ZNF624: variants seen among roughly 807,000 people sequenced by gnomAD.
ZNF624 encodes zinc finger protein 624.
In ZNF624, 43 loss-of-function variants were observed where a neutral mutation model predicts 74.7. That is an observed-to-expected ratio of 0.58 (90% CI 0.45 to 0.74). The LOEUF is 0.74. Ranked by LOEUF, ZNF624 falls within the 30% of genes least tolerant of loss-of-function variation. The pLI, the probability that ZNF624 is intolerant of heterozygous loss-of-function variation, is 0.00. For synonymous variants in ZNF624, 331 were observed against 341.3 expected (o/e 0.97, Z 0.33); for missense variants, 820 against 1,030.0 (o/e 0.80, Z 2.79).
intron 3 of ZNF624, among the ~76,000 whole-genome samples, chr17:16,637,122 T>C (rs62073664): frequency 0.051 from 7,791 of 152,162 alleles, 256 homozygotes; most frequent in Middle Eastern, 0.086. Context: ...ACATTCACAA[T>C]TGTTTCAAAG....
chr17:16,630,707 A>G (rs942514036), intron 5 of ZNF624, among the ~76,000 whole-genome samples: 20 of 152,244 alleles, frequency 1.3e-4, no homozygotes, highest in African/African-American at 3.6e-4. Flanking sequence ...AGTATCAGAC[A>G]AAACAGATTT....
At chr17:16,649,453 T>C (rs1419986067) in intron 2 of ZNF624, among the ~76,000 whole-genome samples, 2 of 152,206 alleles carry the variant, frequency 1.3e-5, no homozygotes, top group Non-Finnish European at 2.9e-5. Flanking sequence ...TTTTGAAAGA[T>C]CATGTGTCCT....
intron 5 of ZNF624, among the ~76,000 whole-genome samples, chr17:16,632,579 G>A (rs567215773): frequency 6.6e-5 from 10 of 152,112 alleles, no homozygotes; most frequent in South Asian, 6.2e-4. Flanking sequence ...ATAAAAATAC[G>A]TAATTCATGT....
At chr17:16,635,761 T>C (rs765954694) in intron 3 of ZNF624, among the ~76,000 whole-genome samples, 48 of 151,732 alleles carry the variant, frequency 3.2e-4, no homozygotes, top group Non-Finnish European at 6.3e-4. Context: ...TGATAACTAA[T>C]ATATTTGGCA....
intron 5 of ZNF624, among the ~76,000 whole-genome samples, chr17:16,633,419 G>T (rs1483045575): frequency 6.6e-6 from 1 of 152,128 alleles, no homozygotes; most frequent in African/African-American, 2.4e-5. Context: ...CTGTAGCCTT[G>T]CAGGTGAAGA....
At chr17:16,642,102 A>AT (rs1909480823) in intron 3 of ZNF624, among the ~76,000 whole-genome samples, 1 of 152,226 alleles carries the variant, frequency 6.6e-6, no homozygotes, top group Non-Finnish European at 1.5e-5. Context: ...CAGATTCAAC[A>AT]TAAGACTTAT....
chr17:16,623,934 A>C lies in ZNF624; in HGVS notation c.952T>G (p.Tyr318Asp). The change falls in exon 6 of 6, where the codon TAT becomes GAT. Residue 318 changes from tyrosine to aspartate, a missense_variant. Coordinates refer to ENST00000311331, the MANE Select transcript of ZNF624 (RefSeq NM_020787.4). This position sits in a 1 kb window ranked among gnomAD's most constrained non-coding sequence, Gnocchi z 5.3. Reference sequence around the variant, plus strand: ...TGGATTTTTTTGTGCTGACTGAGATATGAAGGCTGGCTGAATGTTTTCCCA... The same window carrying C: ...TGGATTTTTTTGTGCTGACTGAGATCTGAAGGCTGGCTGAATGTTTTCCCA... ...ECGKTFSQPS[Y>D]LSQHKKIHTG... 1 of 1,613,932 alleles carries C rather than the reference A, an allele frequency of 6.2e-7. No homozygotes were observed. Among genetic ancestry groups the C allele is most frequent in the Non-Finnish European group, 8.5e-7 (1 of 1,180,014 alleles).
At chr17:16,614,805 A>C in the ZNF624 span, among the ~76,000 whole-genome samples, 91 of 152,358 alleles carry the variant, frequency 6.0e-4, no homozygotes, top group Non-Finnish European at 1.1e-3. Context: ...AAATTTTGAC[A>C]AATTTAATTC....
chr17:16,624,193 G>A lies in ZNF624; in HGVS notation c.693C>T (p.Phe231=). Residue 231 remains phenylalanine (F), a synonymous_variant, in exon 6 of 6, where the codon TTC becomes TTT. Coordinates refer to ENST00000311331, the MANE Select transcript of ZNF624 (RefSeq NM_020787.4). ...HSRCQTQEEN[F]TENLNLITDT... is the part of the protein sequence containing the mutation. ...CTGTAATCAAATTTAAATTCTCTGT[G>A]AAATTTTCCTCTTGTGTTTGGCATC... The A allele has an allele frequency of 6.2e-7, 1 of 1,614,066 alleles. No homozygotes were observed. The highest frequency in any genetic ancestry group is 8.5e-7 in the Non-Finnish European group (1 of 1,180,024).
At chr17:16,643,879 A>G (rs1909525053) in intron 3 of ZNF624, among the ~76,000 whole-genome samples, 1 of 152,196 alleles carries the variant, frequency 6.6e-6, no homozygotes, top group Non-Finnish European at 1.5e-5. Context: ...GCCTTCCCCC[A>G]AAACCTCATG....
In ZNF624 at chr17:16,633,528, G is replaced by T. The variant is rs9903587; in HGVS notation, c.376+334C>A. Among the ~76,000 whole-genome samples the T allele has an allele frequency of 5.5e-3, 834 of 152,240 alleles. 8 individuals are homozygous for T. Among genetic ancestry groups the T allele is most frequent in the African/African-American group, 0.019 (775 of 41,538 alleles). On this transcript the variant is annotated intron_variant, in intron 5 of 5. Transcript: ENST00000311331. The stretch of plus-strand genomic sequence containing the variant: ...AATGAGGGAAGAAATGTCAGATAAT[G>T]AAACAAATGAGAAACATGAAGTTAA...
chr17:16,635,057 C>T (rs913147732), intron 3 of ZNF624, among the ~76,000 whole-genome samples: 2 of 152,162 alleles, frequency 1.3e-5, no homozygotes, highest in Non-Finnish European at 2.9e-5. Flanking sequence ...TCAAACAGCA[C>T]GGTTTCCTCC....
rs1338720223 is a variant in ZNF624 at position 16,653,843 on chromosome 17, G to C, written c.-82C>G. On this transcript the variant is annotated 5_prime_UTR_variant, in exon 1 of 6. Transcript: ENST00000311331. ...TTCCAGCAATGGCGGCGGCTCGGCG[G>C]TGCCGGCCTCCAGGCAGGGCATTGC... is the stretch of plus-strand genomic sequence containing the variant. The C allele has an allele frequency of 2.0e-5, 3 of 152,832 alleles. No individual in the cohort carries two copies. Among genetic ancestry groups the C allele is most frequent in the African/African-American group, 7.2e-5 (3 of 41,484 alleles). The allele number at this position is 152,832 out of a possible 1,614,324, so 9.5% of individuals were successfully genotyped here. A position where few individuals can be genotyped will look rare whatever the true frequency, so the allele number is the denominator to read the frequency against.
At chr17:16,628,312 GA>G (rs1191202361) in intron 5 of ZNF624, among the ~76,000 whole-genome samples, 2 of 151,766 alleles carry the variant, frequency 1.3e-5, no homozygotes, top group African/African-American at 4.8e-5. Flanking sequence ...AGTCACATGG[GA>G]AAAAAATCAA....
intron 3 of ZNF624, among the ~76,000 whole-genome samples, chr17:16,646,659 T>A (rs1422350252): frequency 6.6e-6 from 1 of 152,220 alleles, no homozygotes; most frequent in Non-Finnish European, 1.5e-5. Context: ...TACCATAACT[T>A]TGGGGATTAT....
rs948703606 is a variant in ZNF624, at chr17:16,649,533, T to G, written c.87+125A>C. 7.8e-6 allele frequency: 6 copies of G among 773,258 alleles called. No homozygotes were observed. The African/African-American group carries it at 1.0e-4, about 13-fold the overall frequency. The allele number at this position is 773,258 out of a possible 1,614,324, so 47.9% of individuals were successfully genotyped here. On this transcript the variant is annotated intron_variant, in intron 2 of 5. Coordinates refer to ENST00000311331, the MANE Select transcript of ZNF624 (RefSeq NM_020787.4). ...ACCCTTACTGTGAACCCAATTTTCATGGGTCTATTTAGTTGAGTTCCCAGA... is the reference window on the plus strand; with the variant it reads ...ACCCTTACTGTGAACCCAATTTTCAGGGGTCTATTTAGTTGAGTTCCCAGA...
chr17:16,622,721 T>C lies in ZNF624; in HGVS notation c.2165A>G (p.Lys722Arg). The change falls in exon 6 of 6, where the codon AAA becomes AGA. Residue 722 changes from lysine (K) to arginine (R), a missense_variant. Lys to Arg is a conservative substitution (Grantham distance 26, BLOSUM62 2). Transcript: ENST00000311331. ...NTHQRTHTGE[K>R]PFKCNDCGKA... Reference sequence around the variant, plus strand: ...CCCACAGTCATTACATTTAAATGGTTTCTCTCCAGTATGTGTTCTTTGATG... The same window carrying C: ...CCCACAGTCATTACATTTAAATGGTCTCTCTCCAGTATGTGTTCTTTGATG... The C allele has an allele frequency of 6.2e-7, 1 of 1,613,872 alleles. No homozygotes were observed. Among genetic ancestry groups the C allele is most frequent in the East Asian group, 2.2e-5 (1 of 44,874 alleles).
At position 16,622,307 on chromosome 17, in the gene ZNF624, C is replaced by G. The variant is rs1404457433; in HGVS notation, c.2579G>C (p.Arg860Thr). Reference sequence around the variant, plus strand: ...TGTTCTTTATATTAACTGAGTTTCTCTTTGATGTATTCTTTGATGTACAGT... The same window carrying G: ...TGTTCTTTATATTAACTGAGTTTCTGTTTGATGTATTCTTTGATGTACAGT... ...SLTVHQRIHQ[R>T]ETQLI is the part of the protein sequence containing the mutation. Residue 860 changes from arginine to threonine, a missense_variant, in exon 6 of 6, where the codon AGA becomes ACA. By Grantham distance (71) the Arg-to-Thr change is moderately conservative. Coordinates refer to ENST00000311331, the MANE Select transcript of ZNF624 (RefSeq NM_020787.4). 1 of 1,568,770 alleles carries G rather than the reference C, an allele frequency of 6.4e-7. No homozygotes were observed.
chr17:16,622,804 C>T lies in ZNF624; in HGVS notation c.2082G>A (p.Lys694=), dbSNP rs569358202. Residue 694 remains lysine, a synonymous_variant, in exon 6 of 6, where the codon AAG becomes AAA. Coordinates refer to ENST00000311331, the MANE Select transcript of ZNF624 (RefSeq NM_020787.4). ...TTCCACATTCATTGCATTTATAGGGCTTCTCTCCAGTATGCCTTCGTTGGT... is the reference window on the plus strand; with the variant it reads ...TTCCACATTCATTGCATTTATAGGGTTTCTCTCCAGTATGCCTTCGTTGGT... ...TVHQRRHTGE[K]PYKCNECGKV... is the part of the protein sequence containing the mutation. 2.5e-6 allele frequency: 4 copies of T among 1,613,782 alleles called. No individual in the cohort carries two copies. In the East Asian group the frequency reaches 8.9e-5, roughly 36 times the overall value.
Sources: allele counts gnomAD v4.1 joint callset (sites outside exome capture counted in the v4.1 genomes callset), GRCh38; gene constraint gnomAD v4.1.1; non-coding constraint Gnocchi (gnomAD v3.1); transcripts MANE v1.5; gene names NCBI Gene and HGNC (gene_info 2026-07-23, HGNC 2026-07-21).